The following LRRC4C variants were observed in gnomAD, a reference collection of about 807,000 sequenced individuals.
LRRC4C encodes leucine rich repeat containing 4C.
A neutral mutation model predicts 33.6 loss-of-function variants in LRRC4C; 5 were observed. The ratio of observed to expected loss-of-function variants is 0.15; its 90% CI spans 0.08 to 0.31. LRRC4C has a LOEUF of 0.31. LRRC4C is among the 10% of genes least tolerant of loss of function. The pLI, the probability that LRRC4C is intolerant of heterozygous loss-of-function variation, is 1.00. For synonymous variants in LRRC4C, 329 were observed against 302.0 expected (o/e 1.09, Z -0.93); for missense variants, 560 against 796.7 (o/e 0.70, Z 3.58).
chr11:40,355,953 T>TGTATAGTATAGTATAGTATTGTATA (rs1947642047), intron 3 of LRRC4C, among the ~76,000 whole-genome samples: 19 of 121,594 alleles, frequency 1.6e-4, no homozygotes, highest in African/African-American at 5.1e-4. Flanking sequence ...AGTATAGTAT[T>TGTATAGTATAGTATAGTATTGTATA]GTATAGTATA....
At chr11:40,449,231 C>T (rs1284264554) in intron 3 of LRRC4C, among the ~76,000 whole-genome samples, 1 of 151,938 alleles carries the variant, frequency 6.6e-6, no homozygotes, top group East Asian at 1.9e-4. Context: ...TGTGCAGAAG[C>T]TCGTCAGTAA....
At chr11:40,603,833 G>C (rs11035956) in intron 3 of LRRC4C, among the ~76,000 whole-genome samples, 1 of 151,904 alleles carries the variant, frequency 6.6e-6, no homozygotes, top group African/African-American at 2.4e-5. Flanking sequence ...GAGAGAAGCT[G>C]TTATAAGAAG....
chr11:41,257,062 C>T (rs1168615046), intron 1 of LRRC4C, among the ~76,000 whole-genome samples: 3 of 151,924 alleles, frequency 2.0e-5, no homozygotes, highest in African/African-American at 7.2e-5. Flanking sequence ...AAATATCAAA[C>T]AACCAAACCA....
intron 5 of LRRC4C, among the ~76,000 whole-genome samples, chr11:40,142,963 C>A (rs941108705): frequency 6.6e-6 from 1 of 152,112 alleles, no homozygotes; most frequent in African/African-American, 2.4e-5. Flanking sequence ...TTCATTCATA[C>A]AACTATATAT....
intron 4 of LRRC4C, among the ~76,000 whole-genome samples, chr11:40,318,704 C>T (rs920180619): frequency 6.6e-6 from 1 of 152,138 alleles, no homozygotes; most frequent in Admixed American, 6.5e-5. Context: ...CATTTACTAC[C>T]TAAACTGTTC....
intron 1 of LRRC4C, among the ~76,000 whole-genome samples, chr11:41,317,394 C>T (rs900310684): frequency 1.3e-5 from 2 of 152,092 alleles, no homozygotes; most frequent in Admixed American, 1.3e-4. Context: ...TTTTCTATTC[C>T]CATAATATTT....
chr11:40,159,751 G>A (rs1171881649), intron 5 of LRRC4C, among the ~76,000 whole-genome samples: 1 of 152,030 alleles, frequency 6.6e-6, no homozygotes, highest in Non-Finnish European at 1.5e-5. Flanking sequence ...CTACTCAACT[G>A]CAGACTGTCA....
chr11:40,173,604 GAGACTACCTA>G (rs1362586407), intron 5 of LRRC4C, among the ~76,000 whole-genome samples: 1 of 152,096 alleles, frequency 6.6e-6, no homozygotes, highest in Non-Finnish European at 1.5e-5. Context: ...AATTCAATCT[GAGACTACCTA>G]TAAAGGTCTA....
chr11:40,131,006 A>G (rs951671003), intron 6 of LRRC4C, among the ~76,000 whole-genome samples: 2 of 152,226 alleles, frequency 1.3e-5, no homozygotes, highest in African/African-American at 4.8e-5. Context: ...AGCCAAGACT[A>G]TAACACTTAC....
chr11:41,170,700 G>T (rs1454715149), intron 1 of LRRC4C, among the ~76,000 whole-genome samples: 1 of 152,092 alleles, frequency 6.6e-6, no homozygotes, highest in Non-Finnish European at 1.5e-5. Context: ...CATGGGCAAG[G>T]ACTTCACATC....
chr11:41,029,995 A>C (rs1056837387), intron 1 of LRRC4C, among the ~76,000 whole-genome samples: 4 of 151,874 alleles, frequency 2.6e-5, no homozygotes, highest in African/African-American at 9.7e-5. Context: ...CAGGCCAAGA[A>C]GGGAAGCTTG....
intron 1 of LRRC4C, among the ~76,000 whole-genome samples, chr11:41,292,677 T>C (rs1950025176): frequency 6.6e-6 from 1 of 152,154 alleles, no homozygotes; most frequent in Admixed American, 6.5e-5. Flanking sequence ...TTTGTTACTA[T>C]CCAATCTTAA....
At chr11:40,319,566 C>T (rs1209068906) in intron 4 of LRRC4C, 62 bp downstream of exon 4, 1 of 151,960 alleles carries the variant, frequency 6.6e-6, no homozygotes, top group Admixed American at 6.6e-5. Flanking sequence ...TCACTTTGTT[C>T]TGAACTAGAG....
chr11:40,798,325 T>G (rs1400183001), intron 2 of LRRC4C, among the ~76,000 whole-genome samples: 1 of 152,186 alleles, frequency 6.6e-6, no homozygotes, highest in Non-Finnish European at 1.5e-5. Flanking sequence ...CAGCTGTCAC[T>G]CTGAAAGCAA....
intron 2 of LRRC4C, among the ~76,000 whole-genome samples, chr11:40,765,827 A>G (rs1215179852): frequency 6.6e-6 from 1 of 152,050 alleles, no homozygotes; most frequent in Non-Finnish European, 1.5e-5. Flanking sequence ...CACACTGATA[A>G]GATGTAGAAA....
At chr11:40,345,243 CA>C (rs1459876375) in intron 3 of LRRC4C, among the ~76,000 whole-genome samples, 35 of 152,228 alleles carry the variant, frequency 2.3e-4, no homozygotes, top group Admixed American at 2.3e-3. Flanking sequence ...ATAGCCAAGA[CA>C]ATCCTAAGCA....
intron 1 of LRRC4C, among the ~76,000 whole-genome samples, chr11:41,267,906 A>C (rs2136803944): frequency 6.6e-6 from 1 of 152,252 alleles, no homozygotes; most frequent in South Asian, 2.1e-4. Flanking sequence ...AATAATAGAG[A>C]TAATACACAA....
At chr11:40,628,417 G>T (rs563683152) in intron 3 of LRRC4C, among the ~76,000 whole-genome samples, 47 of 152,160 alleles carry the variant, frequency 3.1e-4, no homozygotes, top group Non-Finnish European at 6.5e-4. Flanking sequence ...GGCAGAGCTT[G>T]CAGTGAGCCG....
chr11:40,717,679 C>T (rs939197656), intron 2 of LRRC4C, among the ~76,000 whole-genome samples: 23 of 152,084 alleles, frequency 1.5e-4, no homozygotes, highest in African/African-American at 5.6e-4. Context: ...GTGTAGTCTT[C>T]TCAGCCACCT....
Sources: gnomAD v4.1 joint callset for allele counts (sites outside exome capture counted in the v4.1 genomes callset) on GRCh38, gnomAD v4.1.1 for gene constraint, MANE v1.5 for transcripts, NCBI Gene and HGNC (gene_info 2026-07-23, HGNC 2026-07-21) for gene names.